Variants in XIRP2 observed in about 807,000 individuals in gnomAD.
XIRP2 encodes the protein xin actin binding repeat containing 2.
A neutral mutation model predicts 277.0 loss-of-function variants in XIRP2; 236 were observed. The ratio of observed to expected loss-of-function variants is 0.85; its 90% CI spans 0.77 to 0.95. XIRP2 has a LOEUF of 0.95. XIRP2 is among the 40% of genes least tolerant of loss of function. The probability of loss-of-function intolerance (pLI) is 0.00; values close to 1 mark genes in which losing one functional copy is unlikely to be tolerated. For synonymous variants in XIRP2, 1,490 were observed against 1,416.5 expected, an observed-to-expected ratio of 1.05 and a Z score of -1.17; for missense variants, 4,640 against 4,157.5, an observed-to-expected ratio of 1.12 and a Z score of -3.19.
Position 167,257,861 on chromosome 2 carries a change from G to A in XIRP2, c.*44G>A, listed in dbSNP as rs746114334. ...TGTTCTTTTTCTTTTTGGCAGTTTG[G>A]GAAATTATGCATCACTTCATGGACA... On this transcript the variant is annotated 3_prime_UTR_variant, in exon 11 of 11. Coordinates refer to ENST00000409195, the MANE Select transcript of XIRP2 (RefSeq NM_152381.6). 3 of 1,583,878 alleles carry A rather than the reference G, an allele frequency of 1.9e-6. No individual in the cohort carries two copies. The Admixed American group carries it at 5.7e-5, about 30-fold the overall frequency.
chr2:167,018,190 T>C (rs1020398363), intron 2 of XIRP2, among the ~76,000 whole-genome samples: 2 of 152,046 alleles, frequency 1.3e-5, no homozygotes, highest in East Asian at 3.9e-4. Flanking sequence ...TTTTTAAATT[T>C]CTGAATCTTT....
At chr2:167,036,624 CTT>C (rs1431350023) in intron 2 of XIRP2, among the ~76,000 whole-genome samples, 2 of 152,068 alleles carry the variant, frequency 1.3e-5, no homozygotes, top group Non-Finnish European at 2.9e-5. Context: ...GGACTGAAGA[CTT>C]TTGGGTTAAT....
At chr2:167,080,409 T>C (rs972307611) in intron 2 of XIRP2, among the ~76,000 whole-genome samples, 20 of 152,276 alleles carry the variant, frequency 1.3e-4, no homozygotes, top group Non-Finnish European at 2.4e-4. Context: ...GATACTGTGA[T>C]GCACCTTCAG....
intron 3 of XIRP2, among the ~76,000 whole-genome samples, chr2:167,139,444 T>G (rs570138817): frequency 6.6e-6 from 1 of 152,288 alleles, no homozygotes. Flanking sequence ...TCAAAGTCAC[T>G]TTTTCCAGGC....
chr2:167,218,143 T>A, intron 4 of XIRP2, 23 bp from the exon 5 acceptor site: 1 of 1,520,424 alleles, frequency 6.6e-7, no homozygotes, highest in Non-Finnish European at 8.8e-7. Flanking sequence ...AGCTGAATTT[T>A]CCTTTTTCTT....
intron 2 of XIRP2, among the ~76,000 whole-genome samples, chr2:167,082,307 A>G (rs968862703): frequency 1.3e-5 from 2 of 152,152 alleles, no homozygotes; most frequent in African/African-American, 4.8e-5. Flanking sequence ...AGTATTGCAT[A>G]GTGTATATGT....
At position 167,248,426 on chromosome 2, in the gene XIRP2, C is replaced by T. The variant is rs749106705; in HGVS notation, c.7034C>T (p.Pro2345Leu). The stretch of plus-strand genomic sequence containing the variant: ...GAATTTGAAAGTTTTCCAGGCCTCC[C>T]TCTTCCTCCACCTCCAGTAGATGAG... ...KAEFESFPGL[P>L]LPPPPVDEKS... The change falls in exon 9 of 11, where the codon CCT (proline) becomes CTT (leucine). Residue 2345 changes from proline (P) to leucine (L), a missense_variant. Physicochemically the swap from Pro to Leu is moderately conservative, Grantham distance 98. Coordinates refer to ENST00000409195, the MANE Select transcript of XIRP2 (RefSeq NM_152381.6). 4 of 1,613,742 alleles carry T rather than the reference C, an allele frequency of 2.5e-6. No individual in the cohort carries two copies. In the South Asian group the frequency reaches 4.4e-5, roughly 18 times the overall value.
chr2:166,941,189 T>A (rs1158132066), intron 2 of XIRP2, among the ~76,000 whole-genome samples: 1 of 152,056 alleles, frequency 6.6e-6, no homozygotes, highest in Non-Finnish European at 1.5e-5. Flanking sequence ...CAGTTCAATC[T>A]CAGATTGCTG....
chr2:167,164,368 C>A (rs938622684), intron 3 of XIRP2, among the ~76,000 whole-genome samples: 13 of 149,538 alleles, frequency 8.7e-5, no homozygotes, highest in Admixed American at 6.7e-4. Context: ...ATGGCGTGAA[C>A]CCGGGAGGCG....
In XIRP2 at chr2:167,249,988, A is replaced by G. The variant is rs1198973351; in HGVS notation, c.8596A>G (p.Thr2866Ala). Residue 2866 changes from threonine to alanine, a missense_variant, in exon 9 of 11, where the codon ACT becomes GCT. By Grantham distance (58) the Thr-to-Ala change is moderately conservative. Coordinates refer to ENST00000409195, the MANE Select transcript of XIRP2 (RefSeq NM_152381.6). The part of the protein sequence containing the change: ...KVIDAHLDSQ[T>A]QNFQQTQIQT... ...TATCGATGCACATCTTGATTCACAG[A>G]CTCAGAATTTTCAGCAAACACAAAT... 3 of 1,613,590 alleles carry G rather than the reference A, an allele frequency of 1.9e-6. No homozygotes were observed. The highest frequency in any genetic ancestry group is 2.5e-6 in the Non-Finnish European group (3 of 1,179,686).
intron 3 of XIRP2, chr2:167,184,525 T>C: frequency 2.8e-6 from 2 of 713,522 alleles, no homozygotes; most frequent in Non-Finnish European, 2.6e-6. Flanking sequence ...GTTCTGCTGT[T>C]TTTCTGTTTC....
intron 3 of XIRP2, among the ~76,000 whole-genome samples, chr2:167,178,135 A>G (rs1692905070): frequency 6.6e-6 from 1 of 152,098 alleles, no homozygotes; most frequent in Non-Finnish European, 1.5e-5. Flanking sequence ...TTATTTGTAC[A>G]TGTGTTTTAT....
chr2:167,107,652 T>A (rs973760820), intron 2 of XIRP2, among the ~76,000 whole-genome samples: 1 of 151,658 alleles, frequency 6.6e-6, no homozygotes, highest in South Asian at 2.1e-4. Context: ...GGTCTATAGT[T>A]TTTGGTCTTT....
intron 2 of XIRP2, among the ~76,000 whole-genome samples, chr2:166,920,853 T>G (rs1364399712): frequency 6.6e-6 from 1 of 152,060 alleles, no homozygotes; most frequent in Non-Finnish European, 1.5e-5. Context: ...GTTCCCACTG[T>G]CAGTTGGTGG....
chr2:167,200,381 G>A (rs758414618), intron 3 of XIRP2, among the ~76,000 whole-genome samples: 7 of 152,234 alleles, frequency 4.6e-5, no homozygotes, highest in African/African-American at 1.2e-4. Flanking sequence ...TTTGAATGAC[G>A]ATTTTATGAT....
chr2:167,051,408 A>G (rs1363480541), intron 2 of XIRP2, among the ~76,000 whole-genome samples: 4 of 152,160 alleles, frequency 2.6e-5, no homozygotes, highest in African/African-American at 9.7e-5. Flanking sequence ...TTCAACAAAT[A>G]AATGGATAGC....
chr2:167,023,402 G>C (rs547297430), intron 2 of XIRP2, among the ~76,000 whole-genome samples: 1 of 151,914 alleles, frequency 6.6e-6, no homozygotes, highest in South Asian at 2.1e-4. Context: ...CCATTTTGTA[G>C]GTTGCCTGTT....
chr2:166,986,902 T>A (rs1222994097), intron 2 of XIRP2, among the ~76,000 whole-genome samples: 1 of 152,250 alleles, frequency 6.6e-6, no homozygotes, highest in Non-Finnish European at 1.5e-5. Flanking sequence ...AGGCTTAGTT[T>A]TATGCATTTT....
At chr2:167,054,110 A>G (rs2105539937) in intron 2 of XIRP2, among the ~76,000 whole-genome samples, 1 of 152,332 alleles carries the variant, frequency 6.6e-6, no homozygotes, top group African/African-American at 2.4e-5. Context: ...ATATTTGATT[A>G]GATAGCCAGC....
Sources: allele counts gnomAD v4.1 joint callset (sites outside exome capture counted in the v4.1 genomes callset), GRCh38; gene constraint gnomAD v4.1.1; transcripts MANE v1.5; gene names NCBI Gene and HGNC (gene_info 2026-07-23, HGNC 2026-07-21).